WDR36: variants seen among roughly 807,000 people sequenced by gnomAD.
WDR36 encodes the protein WD repeat-containing protein 36.
WDR36 carries 63 observed loss-of-function variants against 112.7 expected under a neutral mutation model. That is an observed-to-expected ratio of 0.56 (90% confidence interval 0.46 to 0.69). WDR36 has a LOEUF of 0.69. Among genes scored for constraint, WDR36 ranks in the 30% least tolerant of loss-of-function variants. The pLI is 0.00. For synonymous variants in WDR36, 410 were observed against 362.2 expected, an observed-to-expected ratio of 1.13 and a Z score of -1.50; for missense variants, 1,226 against 1,070.3, an observed-to-expected ratio of 1.15 and a Z score of -2.03.
Position 111,119,018 on chromosome 5 carries a change from T to C in WDR36, c.1802T>C (p.Ile601Thr). The change falls in exon 17 of 23, where the codon ATA becomes ACA. Residue 601 changes from isoleucine to threonine, a missense_variant. By Grantham distance (89) the Ile-to-Thr change is moderately conservative. Coordinates refer to ENST00000513710, the MANE Select transcript of WDR36 (RefSeq NM_139281.3). ...CATGTTAATTATTTCTGTAGCCTTA[T>C]AGACTGCTTTTTGTTGGACTCGGCT... ...RTWDLPSGCL[I>T]DCFLLDSAPL... is the part of the protein sequence containing the mutation. 5 of 1,612,528 alleles carry C rather than the reference T, an allele frequency of 3.1e-6. No homozygotes were observed. The highest frequency in any genetic ancestry group is 4.2e-6 in the Non-Finnish European group (5 of 1,178,660).
chr5:111,124,032 A>G, intron 20 of WDR36, 76 bp from the exon 21 acceptor site: 1 of 1,597,552 alleles, frequency 6.3e-7, no homozygotes, highest in Non-Finnish European at 8.6e-7. Context: ...AATTAATGAT[A>G]GCTTTTAATT....
At chr5:111,113,420 C>A (rs1169181583) in intron 16 of WDR36, among the ~76,000 whole-genome samples, 1 of 132,842 alleles carries the variant, frequency 7.5e-6, no homozygotes, top group Non-Finnish European at 1.6e-5. Context: ...GATGCCTAAA[C>A]CTTAAGAAAG....
chr5:111,110,087 G>A, intron 12 of WDR36, 102 bp from the exon 13 acceptor site: 1 of 790,810 alleles, frequency 1.3e-6, no homozygotes. Context: ...TTGTTCTTTT[G>A]TTAAATAAAA....
At position 111,125,607 on chromosome 5, in the gene WDR36, G is replaced by C. The variant is rs1171544114; in HGVS notation, c.2351-1G>C. 1.9e-6 allele frequency: 3 copies of C among 1,612,730 alleles called. No individual in the cohort carries two copies. The African/African-American group carries it at 4.0e-5, about 22-fold the overall frequency. ...CATAACTGGATTAAAATTTAATGCA[G>C]ATGACACTGCTCTCAACCTTCTGAA... On this transcript the variant is annotated splice_acceptor_variant, in intron 21 of 22. Transcript: ENST00000513710. LOFTEE classifies it high-confidence loss of function.
In WDR36 at chr5:111,125,739, C is replaced by G. The variant is rs1753667688; in HGVS notation, c.2482C>G (p.Leu828Val). The G allele has an allele frequency of 6.2e-7, 1 of 1,613,762 alleles. No individual in the cohort carries two copies. Among genetic ancestry groups the G allele is most frequent in the East Asian group, 2.2e-5 (1 of 44,858 alleles). Residue 828 changes from leucine to valine, a missense_variant, in exon 22 of 23, where the codon CTG becomes GTG. Physicochemically the swap from Leu to Val is conservative, Grantham distance 32 (BLOSUM62 1). Coordinates refer to ENST00000513710, the MANE Select transcript of WDR36 (RefSeq NM_139281.3). ...QSFLKMIGMM[L>V]DRKRDFELAQ... Reference sequence around the variant, plus strand: ...CTTCTTGAAAATGATTGGGATGATGCTGGACAGAAAGCGTGATTTTGAGTT... The same window carrying G: ...CTTCTTGAAAATGATTGGGATGATGGTGGACAGAAAGCGTGATTTTGAGTT...
chr5:111,117,272 T>A (rs1255624476), intron 16 of WDR36, among the ~76,000 whole-genome samples: 8 of 152,222 alleles, frequency 5.3e-5, no homozygotes, highest in Non-Finnish European at 1.2e-4. Context: ...CCAGTGCTTC[T>A]AATTGTTGTC....
At chr5:111,118,923 A>G (rs1285571366) in intron 16 of WDR36, 90 bp from the exon 17 acceptor site, 2 of 995,732 alleles carry the variant, frequency 2.0e-6, no homozygotes, top group Non-Finnish European at 3.2e-6. Context: ...TGCATCTCTT[A>G]TCCCTTATCT....
intron 16 of WDR36, among the ~76,000 whole-genome samples, chr5:111,118,105 C>G (rs936208875): frequency 1.3e-5 from 2 of 152,146 alleles, no homozygotes; most frequent in South Asian, 2.1e-4. Flanking sequence ...TGGTTAATGA[C>G]TTTCCATCGA....
intron 16 of WDR36, among the ~76,000 whole-genome samples, chr5:111,113,415 C>T (rs1469287551): frequency 7.1e-6 from 1 of 140,702 alleles, no homozygotes; most frequent in African/African-American, 2.8e-5. Context: ...AGCGAGATGC[C>T]TAAACCTTAA....
chr5:111,127,272 T>G lies in WDR36; in HGVS notation c.*389T>G, dbSNP rs1034989545. 1 of 213,956 alleles carries G rather than the reference T, an allele frequency of 4.7e-6. No homozygotes were observed. The highest frequency in any genetic ancestry group is 2.3e-5 in the African/African-American group (1 of 44,180). The allele number at this position is 213,956 out of a possible 1,614,324, so 13.3% of individuals were successfully genotyped here. Reference sequence around the variant, plus strand: ...ATTTTCTGAGTCTCTTCACATTAACTTTTATATGATTTTTAAAAAATTATT... The same window carrying G: ...ATTTTCTGAGTCTCTTCACATTAACGTTTATATGATTTTTAAAAAATTATT... On this transcript the variant is annotated 3_prime_UTR_variant, in exon 23 of 23. Transcript: ENST00000513710.
At chr5:111,123,243 C>G in intron 19 of WDR36, among the ~76,000 whole-genome samples, 1 of 152,122 alleles carries the variant, frequency 6.6e-6, no homozygotes, top group East Asian at 1.9e-4. Context: ...AACCAGCAAT[C>G]ATGTTTTCTT....
intron 16 of WDR36, among the ~76,000 whole-genome samples, chr5:111,114,478 G>A (rs947898555): frequency 1.3e-5 from 2 of 152,174 alleles, no homozygotes; most frequent in East Asian, 3.9e-4. Context: ...GTTCGAAACA[G>A]GCCTGAGGCA....
Position 111,127,648 on chromosome 5 carries a change from A to G in WDR36, c.*765A>G. 4.8e-6 allele frequency: 1 copy of G among 210,332 alleles called. No homozygotes were observed. The highest frequency in any genetic ancestry group is 9.7e-6 in the Non-Finnish European group (1 of 103,470). The allele number at this position is 210,332 out of a possible 1,614,324, so 13.0% of individuals were successfully genotyped here. A position where few individuals can be genotyped will look rare whatever the true frequency, so the allele number is the denominator to read the frequency against. ...GTAATGTACTGAAAGGAAGTTGTTC[A>G]TGGATCAGAAATGTGGGAGGCCCTT... On this transcript the variant is annotated 3_prime_UTR_variant, in exon 23 of 23. Transcript: ENST00000513710.
intron 16 of WDR36, among the ~76,000 whole-genome samples, chr5:111,114,471 C>T (rs17132785): frequency 1.3e-5 from 2 of 152,084 alleles, no homozygotes; most frequent in African/African-American, 2.4e-5. Flanking sequence ...CCTTCGAGTT[C>T]GAAACAGGCC....
Position 111,098,942 on chromosome 5 carries a change from A to G in WDR36, c.409+103A>G, listed in dbSNP as rs192217445. 159 of 849,460 alleles carry G rather than the reference A, an allele frequency of 1.9e-4. 1 individual carries two copies. The East Asian group carries it at 3.6e-3, about 19-fold the overall frequency. The allele number at this position is 849,460 out of a possible 1,614,324, so 52.6% of individuals were successfully genotyped here. A position where few individuals can be genotyped will look rare whatever the true frequency, so the allele number is the denominator to read the frequency against. ...TATGCCAGAGATTTTGCCTGTAAAT[A>G]GTAAGAAATTAAAAAAATCAAAAAT... On this transcript the variant is annotated intron_variant, in intron 4 of 22. Transcript: ENST00000513710.
rs567055735 is a variant in WDR36, at chr5:111,104,120, T to A, written c.731-57T>A. On this transcript the variant is annotated intron_variant, in intron 7 of 22. Coordinates refer to ENST00000513710, the MANE Select transcript of WDR36 (RefSeq NM_139281.3). The stretch of plus-strand genomic sequence containing the variant: ...TTAAAAGGGAAGAGAGAAGAATTCT[T>A]GTTTATTTTGGGGGATCTAGAAGTA... 5.3e-6 allele frequency: 8 copies of A among 1,507,554 alleles called. No homozygotes were observed. In the African/African-American group the frequency reaches 8.4e-5, roughly 16 times the overall value. The allele number at this position is 1,507,554 out of a possible 1,614,324, so 93.4% of individuals were successfully genotyped here.
chr5:111,102,519 A>G (rs1488793721), intron 6 of WDR36, 120 bp downstream of exon 6: 16 of 1,002,576 alleles, frequency 1.6e-5, no homozygotes, highest in East Asian at 1.2e-4. Flanking sequence ...GTTTACCTTT[A>G]AAATTGTTAG....
chr5:111,120,264 C>G (rs1753538946), intron 17 of WDR36, among the ~76,000 whole-genome samples: 1 of 152,042 alleles, frequency 6.6e-6, no homozygotes, highest in South Asian at 2.1e-4. Context: ...ACTGGTCTGT[C>G]TTTAATATGT....
At chr5:111,109,417 G>T (rs1035479865) in intron 12 of WDR36, among the ~76,000 whole-genome samples, 1 of 151,094 alleles carries the variant, frequency 6.6e-6, no homozygotes, top group Non-Finnish European at 1.5e-5. Context: ...TGACAAAGTG[G>T]TATGTCAAAC....
Sources: gnomAD v4.1 joint callset for allele counts (sites outside exome capture counted in the v4.1 genomes callset) on GRCh38, gnomAD v4.1.1 for gene constraint, MANE v1.5 for transcripts, NCBI Gene and HGNC (gene_info 2026-07-23, HGNC 2026-07-21) for gene names.